KCNJ3: variants seen among roughly 807,000 people sequenced by gnomAD.
KCNJ3 encodes G protein-activated inward rectifier potassium channel 1.
KCNJ3 carries 4 observed loss-of-function variants against 39.2 expected under a neutral mutation model. That is an observed-to-expected ratio of 0.10 (90% CI 0.05 to 0.23). KCNJ3 has a LOEUF of 0.23. Ranked by LOEUF, KCNJ3 falls within the 10% of genes least tolerant of loss-of-function variation. The pLI is 1.00. For synonymous variants in KCNJ3, 230 were observed against 237.4 expected, an observed-to-expected ratio of 0.97 and a Z score of 0.29; for missense variants, 276 against 634.9, an observed-to-expected ratio of 0.43 and a Z score of 6.08.
chr2:154,833,656 A>G (rs1271375766), intron 2 of KCNJ3, among the ~76,000 whole-genome samples: 3 of 152,196 alleles, frequency 2.0e-5, no homozygotes, highest in Non-Finnish European at 4.4e-5. Flanking sequence ...AAACAGAATA[A>G]TTCCACTGCC....
chr2:154,698,740 C>T lies in KCNJ3; in HGVS notation c.-36C>T, dbSNP rs763368732. 12 of 1,332,492 alleles carry T rather than the reference C, an allele frequency of 9.0e-6. No individual in the cohort carries two copies. The highest frequency in any genetic ancestry group is 4.4e-5 in the African/African-American group (3 of 67,648). The allele number at this position is 1,332,492 out of a possible 1,614,324, so 82.5% of individuals were successfully genotyped here. ...TTGCAGCGCCCAGCTCCTGCGCCTT[C>T]GCTTCGCGTTTGAATCTGGCTCGCC... On this transcript the variant is annotated 5_prime_UTR_variant, in exon 1 of 3. Coordinates refer to ENST00000295101, the MANE Select transcript of KCNJ3 (RefSeq NM_002239.4).
intron 2 of KCNJ3, among the ~76,000 whole-genome samples, chr2:154,807,939 G>A (rs1417372664): frequency 6.6e-6 from 1 of 151,964 alleles, no homozygotes; most frequent in Non-Finnish European, 1.5e-5. Flanking sequence ...CCAGGTGTTG[G>A]AGTTGGTGCT....
intron 2 of KCNJ3, among the ~76,000 whole-genome samples, chr2:154,777,359 C>T (rs573434474): frequency 2.6e-5 from 4 of 152,204 alleles, no homozygotes; most frequent in Non-Finnish European, 4.4e-5. Context: ...AATTTCCCAT[C>T]CTTAGTGAAA....
intron 2 of KCNJ3, among the ~76,000 whole-genome samples, chr2:154,763,386 C>T (rs1335934360): frequency 6.6e-6 from 1 of 151,144 alleles, no homozygotes; most frequent in Non-Finnish European, 1.5e-5. Context: ...ACTAGTATTT[C>T]TTACTAAGAT....
intron 2 of KCNJ3, among the ~76,000 whole-genome samples, chr2:154,772,228 T>A (rs945652522): frequency 1.3e-5 from 2 of 152,170 alleles, no homozygotes; most frequent in African/African-American, 4.8e-5. Flanking sequence ...TTTTACTAAC[T>A]GTTTTGCAAA....
At position 154,809,299 on chromosome 2, in the gene KCNJ3, C is replaced by T. The variant is rs113306402; in HGVS notation, c.920-45428C>T. On this transcript the variant is annotated intron_variant, in intron 2 of 2. Coordinates refer to ENST00000295101, the MANE Select transcript of KCNJ3 (RefSeq NM_002239.4). Reference sequence around the variant, plus strand: ...GTCAGATAAGTCAGATAAGGAAAACCACCAATGAGAGGAGGTTTTCCATTA... The same window carrying T: ...GTCAGATAAGTCAGATAAGGAAAACTACCAATGAGAGGAGGTTTTCCATTA... Among the ~76,000 whole-genome samples the T allele has an allele frequency of 7.5e-3, 1,136 of 152,216 alleles. 19 individuals are homozygous for T. The highest frequency in any genetic ancestry group is 0.026 in the African/African-American group (1,079 of 41,518).
intron 2 of KCNJ3, among the ~76,000 whole-genome samples, chr2:154,754,270 T>C (rs1685900006): frequency 6.6e-6 from 1 of 152,198 alleles, no homozygotes; most frequent in South Asian, 2.1e-4. Context: ...TGTGAACATT[T>C]CTTTTTTTCT....
At chr2:154,827,435 G>A (rs900185085) in intron 2 of KCNJ3, among the ~76,000 whole-genome samples, 1 of 152,028 alleles carries the variant, frequency 6.6e-6, no homozygotes, top group African/African-American at 2.4e-5. Flanking sequence ...TTCCCCTAAG[G>A]CCTTTCAAAG....
intron 2 of KCNJ3, among the ~76,000 whole-genome samples, chr2:154,820,110 T>A (rs1461546203): frequency 6.6e-6 from 1 of 152,140 alleles, no homozygotes; most frequent in Non-Finnish European, 1.5e-5. Flanking sequence ...AAATTAACAT[T>A]GGTCACAATA....
chr2:154,706,246 G>A (rs754641960), intron 1 of KCNJ3, among the ~76,000 whole-genome samples: 6 of 151,832 alleles, frequency 4.0e-5, no homozygotes, highest in South Asian at 2.1e-4. Context: ...ATGTTTTCTC[G>A]GGAATTAGAA....
chr2:154,801,733 T>A (rs6746497), intron 2 of KCNJ3, among the ~76,000 whole-genome samples: 11,828 of 151,922 alleles, frequency 0.078, 706 homozygotes, highest in African/African-American at 0.16. Context: ...TTCAAGCTGT[T>A]CTCCCACATG....
intron 2 of KCNJ3, among the ~76,000 whole-genome samples, chr2:154,711,094 T>C (rs1388339286): frequency 6.6e-6 from 1 of 152,108 alleles, no homozygotes; most frequent in Non-Finnish European, 1.5e-5. Flanking sequence ...AGATTTAATG[T>C]ATTAATCTAT....
intron 1 of KCNJ3, among the ~76,000 whole-genome samples, chr2:154,701,935 G>A (rs891875775): frequency 6.6e-6 from 1 of 151,918 alleles, no homozygotes; most frequent in South Asian, 2.1e-4. Flanking sequence ...TGTAGTTCCT[G>A]TTATTCCTTA....
chr2:154,826,138 G>C (rs558705296), intron 2 of KCNJ3, among the ~76,000 whole-genome samples: 23 of 152,110 alleles, frequency 1.5e-4, no homozygotes, highest in Admixed American at 5.2e-4. Flanking sequence ...TTGAGGCTCT[G>C]ACTAACTTAC....
intron 2 of KCNJ3, among the ~76,000 whole-genome samples, chr2:154,822,472 A>G (rs976436696): frequency 5.9e-5 from 9 of 152,160 alleles, no homozygotes; most frequent in African/African-American, 2.2e-4. Flanking sequence ...GATCCATAAA[A>G]ATCTATCCAT....
At chr2:154,749,978 AC>A (rs375951388) in intron 2 of KCNJ3, among the ~76,000 whole-genome samples, 10 of 152,124 alleles carry the variant, frequency 6.6e-5, no homozygotes, top group African/African-American at 2.4e-4. Flanking sequence ...TTATTAATTT[AC>A]CTTTGTATGG....
intron 2 of KCNJ3, among the ~76,000 whole-genome samples, chr2:154,795,472 TATG>T (rs1225322522): frequency 6.6e-6 from 1 of 152,054 alleles, no homozygotes; most frequent in African/African-American, 2.4e-5. Flanking sequence ...GGTTCATAAT[TATG>T]ATGTATTTTC....
intron 2 of KCNJ3, among the ~76,000 whole-genome samples, chr2:154,770,006 T>A (rs960789766): frequency 2.0e-5 from 3 of 152,186 alleles, no homozygotes; most frequent in African/African-American, 7.2e-5. Flanking sequence ...AATAAGATGA[T>A]TATATCTTCA....
intron 2 of KCNJ3, among the ~76,000 whole-genome samples, chr2:154,809,577 G>T (rs906257140): frequency 6.6e-6 from 1 of 152,094 alleles, no homozygotes; most frequent in Non-Finnish European, 1.5e-5. Flanking sequence ...TTTTAGCACC[G>T]TCTACCACAG....
Sources: allele counts gnomAD v4.1 joint callset (sites outside exome capture counted in the v4.1 genomes callset), GRCh38; gene constraint gnomAD v4.1.1; transcripts MANE v1.5; gene names NCBI Gene and HGNC (gene_info 2026-07-23, HGNC 2026-07-21).